SNTB1: variants seen among roughly 807,000 people sequenced by gnomAD.
The protein encoded by SNTB1 is syntrophin beta 1.
A neutral mutation model predicts 48.9 loss-of-function variants in SNTB1; 36 were observed. The ratio of observed to expected loss-of-function variants is 0.74; its 90% CI spans 0.56 to 0.97. The LOEUF is 0.97. Ranked by LOEUF, SNTB1 falls within the 50% of genes least tolerant of loss-of-function variation. The probability of loss-of-function intolerance (pLI) is 0.00; values close to 1 mark genes in which losing one functional copy is unlikely to be tolerated. For synonymous variants in SNTB1, 299 were observed against 294.6 expected (o/e 1.01, Z -0.15); for missense variants, 786 against 703.4 (o/e 1.12, Z -1.33).
At chr8:120,793,192 C>G (rs916371586) in intron 1 of SNTB1, among the ~76,000 whole-genome samples, 1 of 151,754 alleles carries the variant, frequency 6.6e-6, no homozygotes, top group African/African-American at 2.4e-5. Context: ...GAGAGTAAGT[C>G]TGGGAAATGT....
intron 3 of SNTB1, among the ~76,000 whole-genome samples, chr8:120,578,299 A>G (rs1341768858): frequency 6.6e-6 from 1 of 152,002 alleles, no homozygotes; most frequent in Non-Finnish European, 1.5e-5. Flanking sequence ...CTCGGGAACA[A>G]CAGGGTTTTA....
intron 2 of SNTB1, among the ~76,000 whole-genome samples, chr8:120,669,133 T>C (rs1367120554): frequency 1.3e-5 from 2 of 152,244 alleles, no homozygotes; most frequent in African/African-American, 4.8e-5. Flanking sequence ...TGACCTTTCA[T>C]GAGTTGGAGC....
At chr8:120,572,910 T>A (rs1303620731) in intron 4 of SNTB1, among the ~76,000 whole-genome samples, 1 of 152,176 alleles carries the variant, frequency 6.6e-6, no homozygotes, top group Non-Finnish European at 1.5e-5. Context: ...AGTGAAACTC[T>A]GTCTCAAAAA....
chr8:120,674,048 T>C (rs868418422), intron 2 of SNTB1, among the ~76,000 whole-genome samples: 5 of 152,198 alleles, frequency 3.3e-5, no homozygotes, highest in African/African-American at 4.8e-5. Context: ...CAAACTGTTA[T>C]ACTGACCGAG....
intron 1 of SNTB1, chr8:120,775,548 A>C (rs1318871271): frequency 6.6e-6 from 1 of 152,124 alleles, no homozygotes; most frequent in African/African-American, 2.4e-5. Context: ...ACCAGGATGC[A>C]CTCAATTTAA....
chr8:120,689,500 G>A (rs1376432396), intron 2 of SNTB1, among the ~76,000 whole-genome samples: 1 of 152,088 alleles, frequency 6.6e-6, no homozygotes, highest in African/African-American at 2.4e-5. Context: ...AGGAGTTCCC[G>A]CTACCTATGA....
intron 1 of SNTB1, among the ~76,000 whole-genome samples, chr8:120,800,884 T>C (rs1182555719): frequency 6.6e-6 from 1 of 152,056 alleles, no homozygotes; most frequent in Non-Finnish European, 1.5e-5. Flanking sequence ...AGAATTGATA[T>C]ATCAAGAAAA....
chr8:120,794,140 G>A (rs180890826), intron 1 of SNTB1, among the ~76,000 whole-genome samples: 70 of 152,062 alleles, frequency 4.6e-4, no homozygotes, highest in African/African-American at 1.6e-3. Context: ...GTATTAAGAA[G>A]GTAAGCTTCA....
intron 2 of SNTB1, among the ~76,000 whole-genome samples, chr8:120,653,867 G>A (rs529417282): frequency 1.2e-3 from 187 of 151,154 alleles, no homozygotes; most frequent in African/African-American, 4.0e-3. Context: ...GTGAAACCCC[G>A]TCTCTACTAA....
At chr8:120,544,720 A>T (rs943982852) in intron 5 of SNTB1, among the ~76,000 whole-genome samples, 21 of 150,878 alleles carry the variant, frequency 1.4e-4, no homozygotes, top group African/African-American at 4.6e-4. Context: ...CTTCTCTGTT[A>T]TTACACATGT....
At chr8:120,541,417 CT>C in intron 6 of SNTB1, among the ~76,000 whole-genome samples, 1 of 152,186 alleles carries the variant, frequency 6.6e-6, no homozygotes, top group African/African-American at 2.4e-5. Flanking sequence ...TCCTCGGAGA[CT>C]TCCCTGACGG....
chr8:120,550,178 G>A (rs7839488), intron 4 of SNTB1, among the ~76,000 whole-genome samples: 71,231 of 152,032 alleles, frequency 0.47, 19,207 homozygotes, highest in Non-Finnish European at 0.63. Flanking sequence ...AATTAGGCAA[G>A]AGGGGCGGTT....
At chr8:120,697,102 A>T (rs1818224499) in intron 1 of SNTB1, among the ~76,000 whole-genome samples, 1 of 152,208 alleles carries the variant, frequency 6.6e-6, no homozygotes, top group South Asian at 2.1e-4. Flanking sequence ...CACATAAGGG[A>T]AGAGTAATCC....
At chr8:120,573,818 T>C (rs1348204965) in intron 4 of SNTB1, among the ~76,000 whole-genome samples, 1 of 152,210 alleles carries the variant, frequency 6.6e-6, no homozygotes, top group Non-Finnish European at 1.5e-5. Flanking sequence ...CTTGGCACCC[T>C]TGTCAACAAT....
chr8:120,802,169 C>T (rs1415717640), intron 1 of SNTB1, among the ~76,000 whole-genome samples: 1 of 152,040 alleles, frequency 6.6e-6, no homozygotes, highest in African/African-American at 2.4e-5. Context: ...GGCTTAATAA[C>T]AATTATGTTA....
chr8:120,792,393 T>C (rs906397656), intron 1 of SNTB1, among the ~76,000 whole-genome samples: 1 of 151,882 alleles, frequency 6.6e-6, no homozygotes, highest in Admixed American at 6.6e-5. Flanking sequence ...GTCTATTGGG[T>C]ACAATGTACA....
chr8:120,714,842 C>T (rs773182516), intron 1 of SNTB1, among the ~76,000 whole-genome samples: 6 of 152,174 alleles, frequency 3.9e-5, no homozygotes, highest in Non-Finnish European at 7.3e-5. Flanking sequence ...GTGTAAGTTT[C>T]CATCCTGCTT....
chr8:120,646,756 G>T (rs1444509635), intron 2 of SNTB1, among the ~76,000 whole-genome samples: 1 of 152,132 alleles, frequency 6.6e-6, no homozygotes, highest in Non-Finnish European at 1.5e-5. Context: ...GTTCCTCCTT[G>T]TACCTCTGGG....
intron 1 of SNTB1, among the ~76,000 whole-genome samples, chr8:120,743,280 T>C (rs1049603073): frequency 6.6e-6 from 1 of 152,224 alleles, no homozygotes; most frequent in Admixed American, 6.5e-5. Context: ...ACTGTGTAAT[T>C]GGATGACTGT....
Sources: gnomAD v4.1 joint callset for allele counts (sites outside exome capture counted in the v4.1 genomes callset) on GRCh38, gnomAD v4.1.1 for gene constraint, MANE v1.5 for transcripts, NCBI Gene and HGNC (gene_info 2026-07-23, HGNC 2026-07-21) for gene names.